Variants in CCDC88C observed in about 807,000 individuals in gnomAD.
The protein encoded by CCDC88C is coiled-coil and HOOK domain protein 88C, also known as protein Daple.
A neutral mutation model predicts 198.8 loss-of-function variants in CCDC88C; 131 were observed. The ratio of observed to expected loss-of-function variants is 0.66; its 90% CI spans 0.57 to 0.76. CCDC88C has a LOEUF of 0.76. Ranked by LOEUF, CCDC88C falls within the 30% of genes least tolerant of loss-of-function variation. The pLI, the probability that CCDC88C is intolerant of heterozygous loss-of-function variation, is 0.00. For missense variants in CCDC88C, 2,553 were observed against 2,631.6 expected, an observed-to-expected ratio of 0.97 and a Z score of 0.65; for synonymous variants, 1,166 against 1,114.7, an observed-to-expected ratio of 1.05 and a Z score of -0.92.
rs141826100 is a variant in CCDC88C at position 91,284,412 on chromosome 14, G to C, written c.4442-895C>G. Reference sequence around the variant, plus strand: ...TGATTTGAAATCAAGGGGAAATTTGGATTTTGAAAGATAACCTTGATGAGA... The same window carrying C: ...TGATTTGAAATCAAGGGGAAATTTGCATTTTGAAAGATAACCTTGATGAGA... On this transcript the variant is annotated intron_variant, in intron 25 of 29. Transcript: ENST00000389857. This position sits in a 1 kb window ranked among gnomAD's most constrained non-coding sequence, Gnocchi z 4.1. 4.9e-3 allele frequency among the ~76,000 whole-genome samples: 743 copies of C among 152,280 alleles called. 3 individuals are homozygous for C. The highest frequency in any genetic ancestry group is 0.01 in the Middle Eastern group (3 of 294).
At chr14:91,401,334 A>T (rs1047533784) in intron 3 of CCDC88C, among the ~76,000 whole-genome samples, 3 of 143,208 alleles carry the variant, frequency 2.1e-5, no homozygotes, top group African/African-American at 5.1e-5. Flanking sequence ...TACATATATT[A>T]TATATATATA....
At chr14:91,326,222 C>T (rs942458361) in intron 10 of CCDC88C, among the ~76,000 whole-genome samples, 166 bp from the exon 11 acceptor site, 14 of 152,002 alleles carry the variant, frequency 9.2e-5, no homozygotes, top group African/African-American at 3.4e-4. Context: ...ATCATCTTCA[C>T]CTTTTTTTTG....
intron 3 of CCDC88C, among the ~76,000 whole-genome samples, chr14:91,405,202 C>T (rs991705076): frequency 4.6e-5 from 7 of 152,134 alleles, no homozygotes; most frequent in Non-Finnish European, 1.0e-4. Flanking sequence ...ACACGGCCCA[C>T]GCTCTTTAGG....
chr14:91,404,331 C>T (rs533186757), intron 3 of CCDC88C, among the ~76,000 whole-genome samples: 8 of 152,296 alleles, frequency 5.3e-5, no homozygotes, highest in Admixed American at 2.0e-4. Context: ...GGCGGTGAGA[C>T]GTGAATCTGG....
chr14:91,343,691 C>A, intron 4 of CCDC88C, 34 bp from the exon 5 acceptor site: 1 of 1,611,906 alleles, frequency 6.2e-7, no homozygotes, highest in South Asian at 1.1e-5. Context: ...TAACTCAGCT[C>A]AACTGCTGAT....
rs1892343786 is a variant in CCDC88C at position 91,321,255 on chromosome 14, G to T, written c.1392C>A (p.Arg464=). Residue 464 remains arginine (R), a synonymous_variant, in exon 13 of 30, where the codon CGC becomes CGA. Transcript: ENST00000389857. The part of the protein sequence containing the change: ...VFELNECASS[R]ILKLEKENQS... ...GATTCTCCTTCTCCAGCTTCAGGATGCGGCTGGACGCACATTCGTTCAGCT... is the reference window on the plus strand; with the variant it reads ...GATTCTCCTTCTCCAGCTTCAGGATTCGGCTGGACGCACATTCGTTCAGCT... The T allele has an allele frequency of 1.3e-6, 2 of 1,584,842 alleles. No individual in the cohort carries two copies. Among genetic ancestry groups the T allele is most frequent in the Non-Finnish European group, 1.7e-6 (2 of 1,164,704 alleles).
intron 22 of CCDC88C, among the ~76,000 whole-genome samples, chr14:91,295,594 G>C (rs1032171592): frequency 1.3e-5 from 2 of 152,234 alleles, no homozygotes; most frequent in African/African-American, 4.8e-5. Context: ...AGTAACGATG[G>C]GGGAGCTGCT....
In CCDC88C at chr14:91,381,464, C is replaced by A. The variant is rs1001192113; in HGVS notation, c.271-21753G>T. ...AAGAAAAATGCTTTAAAACTTGACC[C>A]AAGAAGAGAGCAGGCAGCAACACTT... On this transcript the variant is annotated intron_variant, in intron 3 of 29. Coordinates refer to ENST00000389857, the MANE Select transcript of CCDC88C (RefSeq NM_001080414.4). This position sits in a 1 kb window ranked among gnomAD's most constrained non-coding sequence, Gnocchi z 4.2. Among the ~76,000 whole-genome samples the A allele has an allele frequency of 6.6e-6, 1 of 152,204 alleles. No homozygotes were observed. The highest frequency in any genetic ancestry group is 1.5e-5 in the Non-Finnish European group (1 of 68,042).
At chr14:91,321,601 A>G (rs1332367310) in intron 12 of CCDC88C, among the ~76,000 whole-genome samples, 4 of 152,218 alleles carry the variant, frequency 2.6e-5, no homozygotes, top group African/African-American at 9.6e-5. Context: ...TCTGGCTATC[A>G]GGCTGCTATC....
chr14:91,291,717 G>A (rs527410385), intron 23 of CCDC88C, among the ~76,000 whole-genome samples: 4 of 152,230 alleles, frequency 2.6e-5, no homozygotes, highest in African/African-American at 7.2e-5. Flanking sequence ...ACAGTGGGGC[G>A]GACTTCCCGA....
At chr14:91,385,282 A>G (rs1303759874) in intron 3 of CCDC88C, among the ~76,000 whole-genome samples, 1 of 152,154 alleles carries the variant, frequency 6.6e-6, no homozygotes, top group African/African-American at 2.4e-5. Context: ...TCTCTACCCC[A>G]GACCCAGGGT....
At chr14:91,416,051 A>G (rs1596181002) in intron 2 of CCDC88C, among the ~76,000 whole-genome samples, 1 of 152,320 alleles carries the variant, frequency 6.6e-6, no homozygotes, top group East Asian at 1.9e-4. Flanking sequence ...GTAGAAGCCA[A>G]CACCTACGTT....
chr14:91,338,162 T>C lies in CCDC88C; in HGVS notation c.893A>G (p.Asn298Ser), dbSNP rs1468954921. 1.2e-6 allele frequency: 2 copies of C among 1,613,140 alleles called. No homozygotes were observed. The highest frequency in any genetic ancestry group is 1.3e-5 in the African/African-American group (1 of 74,928). The part of the protein sequence containing the change: ...VLELQKVKQE[N>S]IQLAADARSA... ...CCGGGCGTCTGCCGCTAGCTGGATG[T>C]TCTGCAAGGTGGACAAAGGCAGGAG... is the stretch of plus-strand genomic sequence containing the variant. Residue 298 changes from asparagine (N) to serine (S), a missense_variant and splice_region_variant, in exon 10 of 30, where the codon AAC (asparagine) becomes AGC (serine). Transcript: ENST00000389857. This position sits in a 1 kb window ranked among gnomAD's most constrained non-coding sequence, Gnocchi z 4.8.
chr14:91,375,567 C>A (rs1021376987), intron 3 of CCDC88C, among the ~76,000 whole-genome samples: 4 of 152,160 alleles, frequency 2.6e-5, no homozygotes, highest in Admixed American at 6.5e-5. Flanking sequence ...CGCCCCGGCA[C>A]CTGCTCACGA....
At chr14:91,376,435 A>G (rs1884418921) in intron 3 of CCDC88C, among the ~76,000 whole-genome samples, 1 of 152,028 alleles carries the variant, frequency 6.6e-6, no homozygotes, top group African/African-American at 2.4e-5. Flanking sequence ...CGTTATAGTG[A>G]ATGGAAACAG....
intron 4 of CCDC88C, among the ~76,000 whole-genome samples, chr14:91,353,277 C>T (rs1001471495): frequency 3.9e-5 from 6 of 152,128 alleles, no homozygotes; most frequent in East Asian, 3.9e-4. Flanking sequence ...TTTCTCTGTC[C>T]GTGGCTTGCC....
chr14:91,383,542 G>A (rs1487325157), intron 3 of CCDC88C, among the ~76,000 whole-genome samples: 3 of 152,154 alleles, frequency 2.0e-5, no homozygotes, highest in Non-Finnish European at 4.4e-5. Context: ...CTCGGAGGTC[G>A]CCAGGCACTT....
At position 91,371,520 on chromosome 14, in the gene CCDC88C, C is replaced by G. The variant is rs2139928826; in HGVS notation, c.271-11809G>C. Among the ~76,000 whole-genome samples, 1 of 152,182 alleles carries G rather than the reference C, an allele frequency of 6.6e-6. No homozygotes were observed. The highest frequency in any genetic ancestry group is 2.4e-5 in the African/African-American group (1 of 41,504). ...GCGGTGGCAGGAGTACAGCACAGAC[C>G]AAGACCACAGTCTTGGTCCCGAGGA... On this transcript the variant is annotated intron_variant, in intron 3 of 29. Transcript: ENST00000389857. The surrounding 1 kb of genome is among the most constrained non-coding windows in gnomAD (Gnocchi z 4.2).
intron 22 of CCDC88C, among the ~76,000 whole-genome samples, chr14:91,295,997 G>A (rs1321641889): frequency 6.6e-6 from 1 of 152,216 alleles, no homozygotes; most frequent in East Asian, 1.9e-4. Context: ...GAGAGGCCTT[G>A]GGAGAAACCA....
Sources: gnomAD v4.1 joint callset for allele counts (sites outside exome capture counted in the v4.1 genomes callset) on GRCh38, gnomAD v4.1.1 for gene constraint, Gnocchi (gnomAD v3.1) non-coding constraint, MANE v1.5 for transcripts, NCBI Gene and HGNC (gene_info 2026-07-23, HGNC 2026-07-21) for gene names.